The following RORC variants were observed in gnomAD, a reference collection of about 807,000 sequenced individuals.
The protein encoded by RORC is nuclear receptor ROR-gamma.
Under a neutral mutation model 64.5 loss-of-function variants are expected in RORC, and 13 were observed. The observed-to-expected ratio is 0.20, with a 90% CI of 0.13 to 0.32. The LOEUF is 0.32. RORC is among the 10% of genes least tolerant of loss of function. RORC has a pLI of 1.00. For missense variants in RORC, 468 were observed against 669.5 expected (o/e 0.70, Z 3.32); for synonymous variants, 277 against 259.3 (o/e 1.07, Z -0.65).
intron 10 of RORC, among the ~76,000 whole-genome samples, chr1:151,808,621 C>T (rs1651404077): frequency 1.3e-5 from 2 of 152,162 alleles, no homozygotes; most frequent in Admixed American, 1.3e-4. Flanking sequence ...ATTCATTCAA[C>T]AAATATTTGT....
At chr1:151,831,308 G>A (rs1329498912) in intron 1 of RORC, among the ~76,000 whole-genome samples, 1 of 152,106 alleles carries the variant, frequency 6.6e-6, no homozygotes, top group Non-Finnish European at 1.5e-5. Flanking sequence ...CCAGCCTCCC[G>A]GCCACTGCTG....
intron 2 of RORC, among the ~76,000 whole-genome samples, chr1:151,828,791 C>T (rs1299237633): frequency 3.3e-5 from 5 of 152,108 alleles, no homozygotes; most frequent in Admixed American, 1.3e-4. Context: ...CCAGCCTGAC[C>T]AACATGGTGA....
In RORC at chr1:151,814,644, C is replaced by A; in HGVS notation, c.863G>T (p.Arg288Leu). Reference protein sequence around the residue: ...CKSYRETCQLRLEDLLRQRSN... With the variant: ...CKSYRETCQLLLEDLLRQRSN... The stretch of plus-strand genomic sequence containing the variant: ...GCGCTGCCGCAGCAGGTCCTCCAGC[C>A]GCAGCTGGCATGTCTCCCTGTAGGA... Residue 288 changes from arginine to leucine, a missense_variant, in exon 6 of 11, where the codon CGG becomes CTG. Around this residue, in one of 5 missense-constraint regions of RORC, gnomAD observed 100 missense variants for 190.8 expected, o/e 0.52. Coordinates refer to ENST00000318247, the MANE Select transcript of RORC (RefSeq NM_005060.4). 1.2e-6 allele frequency: 2 copies of A among 1,612,760 alleles called. No individual in the cohort carries two copies. The highest frequency in any genetic ancestry group is 1.7e-6 in the Non-Finnish European group (2 of 1,179,340).
In RORC at chr1:151,807,398, G is replaced by C. The variant is rs1651355922; in HGVS notation, c.*74C>G. On this transcript the variant is annotated 3_prime_UTR_variant, in exon 11 of 11. Transcript: ENST00000318247. The surrounding 1 kb of genome is among the most constrained non-coding windows in gnomAD (Gnocchi z 5.0). ...CTCCAGGGTTCATGGGAAAGGAAAA[G>C]GGTGAGGGTGGAACGGGGTCCAGGG... 2 of 1,477,962 alleles carry C rather than the reference G, an allele frequency of 1.4e-6. No homozygotes were observed. Among genetic ancestry groups the C allele is most frequent in the African/African-American group, 2.8e-5 (2 of 72,054 alleles). 91.6% of individuals were successfully genotyped at this position (1,477,962 alleles called of 1,614,324 possible). A position where few individuals can be genotyped will look rare whatever the true frequency, so the allele number is the denominator to read the frequency against.
At chr1:151,825,854 C>T in intron 2 of RORC, 2 of 1,570,758 alleles carry the variant, frequency 1.3e-6, no homozygotes, top group South Asian at 1.1e-5. Flanking sequence ...CACACTGTTC[C>T]CAAGACATCC....
chr1:151,807,949 C>G lies in RORC; in HGVS notation c.1396-316G>C, dbSNP rs1651377600. On this transcript the variant is annotated intron_variant, in intron 10 of 10. Transcript: ENST00000318247. The surrounding 1 kb of genome is among the most constrained non-coding windows in gnomAD (Gnocchi z 5.0). Reference sequence around the variant, plus strand: ...CTTTTATAAGAGTGATTGTCTGTGACTCTTGTTGTATGCTGTCACATGCCT... The same window carrying G: ...CTTTTATAAGAGTGATTGTCTGTGAGTCTTGTTGTATGCTGTCACATGCCT... 6.6e-6 allele frequency among the ~76,000 whole-genome samples: 1 copy of G among 152,180 alleles called. No individual in the cohort carries two copies. The highest frequency in any genetic ancestry group is 1.5e-5 in the Non-Finnish European group (1 of 68,032).
At chr1:151,820,867 A>G (rs1651969512) in intron 2 of RORC, among the ~76,000 whole-genome samples, 1 of 152,160 alleles carries the variant, frequency 6.6e-6, no homozygotes, top group Non-Finnish European at 1.5e-5. Context: ...CTTAGTCCCT[A>G]TTCCTGCCTT....
chr1:151,812,890 A>G (rs1365231894), intron 9 of RORC, 57 bp downstream of exon 9: 3 of 1,138,734 alleles, frequency 2.6e-6, no homozygotes, highest in Non-Finnish European at 4.0e-6. Flanking sequence ...CTCTTCTTCA[A>G]TATCTGCCAT....
chr1:151,816,509 T>C (rs1175924684), intron 4 of RORC, among the ~76,000 whole-genome samples, 155 bp downstream of exon 4: 2 of 152,160 alleles, frequency 1.3e-5, no homozygotes, highest in Non-Finnish European at 2.9e-5. Flanking sequence ...CATCCATCCC[T>C]GGAGGGGAGG....
chr1:151,825,471 C>A (rs1652155431), intron 2 of RORC, among the ~76,000 whole-genome samples: 1 of 152,104 alleles, frequency 6.6e-6, no homozygotes, highest in South Asian at 2.1e-4. Context: ...CAGAGCACAG[C>A]AACTGCTCTG....
intron 2 of RORC, among the ~76,000 whole-genome samples, chr1:151,820,136 C>A (rs535342074): frequency 2.6e-5 from 4 of 152,144 alleles, no homozygotes; most frequent in Non-Finnish European, 5.9e-5. Context: ...CCTGCTCCCC[C>A]CTCCTTCCCC....
In RORC at chr1:151,806,346, C is replaced by G. The variant is rs1248004336; in HGVS notation, c.*1126G>C. 3 of 153,646 alleles carry G rather than the reference C, an allele frequency of 2.0e-5. No individual in the cohort carries two copies. Among genetic ancestry groups the G allele is most frequent in the African/African-American group, 7.2e-5 (3 of 41,454 alleles). 9.5% of individuals were successfully genotyped at this position (153,646 alleles called of 1,614,324 possible). A position where few individuals can be genotyped will look rare whatever the true frequency, so the allele number is the denominator to read the frequency against. ...GTGCCCAATGACGGGGTGATGTGAT[C>G]ACATCTGCTTCCTTCTCCACAACAA... On this transcript the variant is annotated 3_prime_UTR_variant, in exon 11 of 11. Transcript: ENST00000318247.
chr1:151,816,909 G>C, intron 3 of RORC, 104 bp from the exon 4 acceptor site: 3 of 1,233,582 alleles, frequency 2.4e-6, no homozygotes, highest in Admixed American at 3.1e-5. Context: ...TACATCCCAC[G>C]ACCTGTCAGT....
intron 9 of RORC, 64 bp from the exon 10 acceptor site, chr1:151,811,498 A>ATACACCCTTTTGTT: frequency 9.9e-7 from 1 of 1,006,222 alleles, no homozygotes; most frequent in Non-Finnish European, 1.5e-6. Context: ...TCCCAACAAA[A>ATACACCCTTTTGTT]GGGTGTATCT....
At position 151,807,561 on chromosome 1, in the gene RORC, G is replaced by A. The variant is rs1323586530; in HGVS notation, c.1468C>T (p.His490Tyr). ...VERLQIFQHL[H>Y]PIVVQAAFPP... ...AAAGCGGCTTGGACCACGATGGGGT[G>A]GAGGTGCTGGAAGATCTGCAGCCTT... Residue 490 changes from histidine (H) to tyrosine (Y), a missense_variant, in exon 11 of 11, where the codon CAC becomes TAC. Physicochemically the swap from His to Tyr is moderately conservative, Grantham distance 83. This residue lies in a region of RORC where 93 missense variants were observed against 116.6 expected (regional missense o/e 0.80). Transcript: ENST00000318247. This position sits in a 1 kb window ranked among gnomAD's most constrained non-coding sequence, Gnocchi z 5.0. 1 of 1,613,912 alleles carries A rather than the reference G, an allele frequency of 6.2e-7. No individual in the cohort carries two copies. Among genetic ancestry groups the A allele is most frequent in the Non-Finnish European group, 8.5e-7 (1 of 1,179,942 alleles).
chr1:151,808,131 G>T (rs990462714), intron 10 of RORC, among the ~76,000 whole-genome samples: 2 of 152,180 alleles, frequency 1.3e-5, no homozygotes, highest in African/African-American at 2.4e-5. Flanking sequence ...GCAGGAAAAT[G>T]GTCCAATTTG....
At chr1:151,808,739 G>A (rs1651406735) in intron 10 of RORC, among the ~76,000 whole-genome samples, 1 of 152,118 alleles carries the variant, frequency 6.6e-6, no homozygotes, top group African/African-American at 2.4e-5. Flanking sequence ...TTACATTCTG[G>A]TGAGGGGCCC....
rs191835080 is a variant in RORC, at chr1:151,813,579, G to A, written c.975C>T (p.Thr325=). Residue 325 remains threonine (T), a synonymous_variant, in exon 7 of 11, where the codon ACC becomes ACT. Transcript: ENST00000318247. The stretch of plus-strand genomic sequence containing the variant: ...ACTCCACCACGTACTGAATGGCCTC[G>A]GTGAGGTGGTGGGCACACCGTTCCC... ...EMWERCAHHL[T]EAIQYVVEFA... The A allele has an allele frequency of 1.4e-5, 23 of 1,614,096 alleles. No individual in the cohort carries two copies. The East Asian group carries it at 2.5e-4, about 17-fold the overall frequency.
chr1:151,824,883 CT>C (rs1433571126), intron 2 of RORC, among the ~76,000 whole-genome samples: 1 of 152,222 alleles, frequency 6.6e-6, no homozygotes, highest in Non-Finnish European at 1.5e-5. Flanking sequence ...TGGTCTTACA[CT>C]GTCAGTCCAG....
Sources: gnomAD v4.1 joint callset for allele counts (sites outside exome capture counted in the v4.1 genomes callset) on GRCh38, gnomAD v4.1.1 for gene constraint, gnomAD v4.1.1 regional missense constraint, Gnocchi (gnomAD v3.1) non-coding constraint, MANE v1.5 for transcripts, NCBI Gene and HGNC (gene_info 2026-07-23, HGNC 2026-07-21) for gene names.